SLC44A1: variants seen among roughly 807,000 people sequenced by gnomAD.
The protein encoded by SLC44A1 is choline transporter-like protein 1.
SLC44A1 carries 26 observed loss-of-function variants against 79.3 expected under a neutral mutation model. That is an observed-to-expected ratio of 0.33 (90% CI 0.24 to 0.46). The LOEUF (loss-of-function observed/expected upper bound fraction) is 0.46. SLC44A1 is among the 20% of genes least tolerant of loss of function. SLC44A1 has a pLI of 1.00. For missense variants in SLC44A1, 688 were observed against 798.1 expected, an observed-to-expected ratio of 0.86 and a Z score of 1.66; for synonymous variants, 263 against 286.2, an observed-to-expected ratio of 0.92 and a Z score of 0.82.
chr9:105,404,312 C>T (rs76666334), intron 15 of SLC44A1, among the ~76,000 whole-genome samples: 85 of 148,158 alleles, frequency 5.7e-4, no homozygotes, highest in African/African-American at 2.0e-3. Context: ...TCATCAAAAA[C>T]GGATGATTGG....
In SLC44A1 at chr9:105,392,401, C is replaced by CTTTTTTTTTTTTT. The variant is rs879388662; in HGVS notation, c.*3346_*3347insTTTTTTTTTTTTT. The CTTTTTTTTTTTTT allele has an allele frequency of 1.3e-5, 4 of 319,080 alleles. No individual in the cohort carries two copies. Among genetic ancestry groups the CTTTTTTTTTTTTT allele is most frequent in the African/African-American group, 3.5e-5 (1 of 28,336 alleles). 19.8% of individuals were successfully genotyped at this position (319,080 alleles called of 1,614,324 possible). A position where few individuals can be genotyped will look rare whatever the true frequency, so the allele number is the denominator to read the frequency against. On this transcript the variant is annotated 3_prime_UTR_variant, in exon 16 of 16. Transcript: ENST00000374720. ...TTGTAGAGATGCTCTCTCTCTCTCT[C>CTTTTTTTTTTTTT]TCTTTTTTTTTTTTTTTTTTTTTTT...
intron 1 of SLC44A1, among the ~76,000 whole-genome samples, chr9:105,286,184 C>G (rs1046076871): frequency 6.6e-6 from 1 of 152,176 alleles, no homozygotes; most frequent in African/African-American, 2.4e-5. Context: ...TCTCATTTTC[C>G]TCTTTTCCCT....
chr9:105,250,313 A>G (rs1397514823), intron 1 of SLC44A1, among the ~76,000 whole-genome samples: 1 of 152,200 alleles, frequency 6.6e-6, no homozygotes, highest in East Asian at 1.9e-4. Context: ...CAGCAAAACT[A>G]GTCCACTTAG....
At chr9:105,377,379 A>C (rs761539906) in intron 13 of SLC44A1, among the ~76,000 whole-genome samples, 2 of 152,174 alleles carry the variant, frequency 1.3e-5, no homozygotes, top group Non-Finnish European at 2.9e-5. Context: ...AAATATAGAT[A>C]ATTCCAAACC....
At chr9:105,370,317 A>G (rs567687249) in intron 12 of SLC44A1, among the ~76,000 whole-genome samples, 2 of 152,220 alleles carry the variant, frequency 1.3e-5, no homozygotes, top group East Asian at 3.9e-4. Flanking sequence ...TTGTGTATCC[A>G]GTTCATCTTC....
At chr9:105,353,190 A>G (rs535448728) in intron 5 of SLC44A1, among the ~76,000 whole-genome samples, 1 of 151,956 alleles carries the variant, frequency 6.6e-6, no homozygotes, top group Non-Finnish European at 1.5e-5. Context: ...TTTTTAACTG[A>G]CATAGATTGA....
intron 1 of SLC44A1, among the ~76,000 whole-genome samples, chr9:105,255,731 G>C (rs886072170): frequency 2.0e-5 from 3 of 152,148 alleles, no homozygotes; most frequent in African/African-American, 7.2e-5. Flanking sequence ...AGGAGGGTGG[G>C]CTCTATAGCC....
chr9:105,248,106 A>G (rs1303854053), intron 1 of SLC44A1, among the ~76,000 whole-genome samples: 1 of 152,230 alleles, frequency 6.6e-6, no homozygotes, highest in Non-Finnish European at 1.5e-5. Flanking sequence ...ACACATGAAA[A>G]CAGTGTGCTT....
chr9:105,366,370 C>A lies in SLC44A1; in HGVS notation c.1435C>A (p.Leu479Met). The A allele has an allele frequency of 6.6e-7, 1 of 1,525,556 alleles. No homozygotes were observed. Among genetic ancestry groups the A allele is most frequent in the Non-Finnish European group, 8.8e-7 (1 of 1,137,294 alleles). The allele number at this position is 1,525,556 out of a possible 1,614,324, so 94.5% of individuals were successfully genotyped here. Residue 479 changes from leucine to methionine, a missense_variant, in exon 12 of 16, where the codon CTG (leucine) becomes ATG (methionine). Coordinates refer to ENST00000374720, the MANE Select transcript of SLC44A1 (RefSeq NM_080546.5). The part of the protein sequence containing the change: ...GKENACARCV[L>M]KSCICCLWCL... The stretch of plus-strand genomic sequence containing the variant: ...GGAAAATGCTTGTGCACGATGTGTG[C>A]TGAAATCTTGCATTTGTTGCCTTTG...
intron 5 of SLC44A1, chr9:105,355,931 ATGTG>A: frequency 6.2e-5 from 22 of 352,768 alleles, no homozygotes; most frequent in South Asian, 8.7e-5. Flanking sequence ...GTGTGTGTGT[ATGTG>A]TGTGTGTGTG....
At chr9:105,293,277 T>C (rs1830645928) in intron 1 of SLC44A1, among the ~76,000 whole-genome samples, 1 of 152,236 alleles carries the variant, frequency 6.6e-6, no homozygotes, top group Admixed American at 6.5e-5. Context: ...TAGCATTAGG[T>C]AGTACTCTTA....
chr9:105,392,401 CTCTTTTTTTTTT>C lies in SLC44A1; in HGVS notation c.*3347_*3358del, dbSNP rs1369192724. 39 of 319,062 alleles carry C rather than the reference CTCTTTTTTTTTT, an allele frequency of 1.2e-4. No individual in the cohort carries two copies. Among genetic ancestry groups the C allele is most frequent in the African/African-American group, 7.1e-4 (20 of 28,336 alleles). The allele number at this position is 319,062 out of a possible 1,614,324, so 19.8% of individuals were successfully genotyped here. A position where few individuals can be genotyped will look rare whatever the true frequency, so the allele number is the denominator to read the frequency against. ...TTGTAGAGATGCTCTCTCTCTCTCT[CTCTTTTTTTTTT>C]TTTTTTTTTTTTTTTTTCCGTGAGG... On this transcript the variant is annotated 3_prime_UTR_variant, in exon 16 of 16. Coordinates refer to ENST00000374720, the MANE Select transcript of SLC44A1 (RefSeq NM_080546.5).
intron 13 of SLC44A1, among the ~76,000 whole-genome samples, chr9:105,382,623 T>C (rs575925362): frequency 2.6e-5 from 4 of 152,354 alleles, no homozygotes; most frequent in Non-Finnish European, 5.9e-5. Context: ...AATGAAATTA[T>C]GTAGCTGAGT....
chr9:105,350,313 A>G (rs184215072), intron 5 of SLC44A1, among the ~76,000 whole-genome samples: 8 of 152,312 alleles, frequency 5.3e-5, no homozygotes, highest in Admixed American at 5.2e-4. Context: ...ATAGTATTAG[A>G]TAAACAAACT....
intron 15 of SLC44A1, among the ~76,000 whole-genome samples, chr9:105,402,558 ATTAGAG>A (rs1828971667): frequency 6.6e-6 from 1 of 152,218 alleles, no homozygotes; most frequent in African/African-American, 2.4e-5. Flanking sequence ...GAAGGAGTCC[ATTAGAG>A]TTAGAGGTCC....
intron 13 of SLC44A1, among the ~76,000 whole-genome samples, chr9:105,380,509 C>T (rs368401500): frequency 4.0e-5 from 6 of 151,754 alleles, no homozygotes; most frequent in East Asian, 3.9e-4. Flanking sequence ...TAAAGTCATG[C>T]GCCCTATTAA....
intron 1 of SLC44A1, among the ~76,000 whole-genome samples, chr9:105,250,172 G>A (rs902567396): frequency 9.2e-5 from 14 of 151,862 alleles, no homozygotes; most frequent in African/African-American, 3.1e-4. Context: ...CACTGCACCC[G>A]GCCTACTTTT....
chr9:105,256,402 T>C (rs1239551405), intron 1 of SLC44A1, among the ~76,000 whole-genome samples: 1 of 152,050 alleles, frequency 6.6e-6, no homozygotes, highest in African/African-American at 2.4e-5. Flanking sequence ...TGAAAGAAAC[T>C]AGATAAACCA....
intron 10 of SLC44A1, 73 bp from the exon 11 acceptor site, chr9:105,365,410 T>C: frequency 8.0e-7 from 1 of 1,246,378 alleles, no homozygotes; most frequent in Non-Finnish European, 1.1e-6. Context: ...TGCGTTGGAC[T>C]CTAAACCATA....
Sources: allele counts gnomAD v4.1 joint callset (sites outside exome capture counted in the v4.1 genomes callset), GRCh38; gene constraint gnomAD v4.1.1; transcripts MANE v1.5; gene names NCBI Gene and HGNC (gene_info 2026-07-23, HGNC 2026-07-21).